The following CAMK1D variants were observed in gnomAD, a reference collection of about 807,000 sequenced individuals.
The protein encoded by CAMK1D is calcium/calmodulin-dependent protein kinase type 1D.
CAMK1D carries 9 observed loss-of-function variants against 47.7 expected under a neutral mutation model. The ratio of observed to expected loss-of-function variants is 0.19; its 90% CI spans 0.11 to 0.33. The LOEUF (loss-of-function observed/expected upper bound fraction) is 0.33. Ranked by LOEUF, CAMK1D falls within the 10% of genes least tolerant of loss-of-function variation. CAMK1D has a pLI of 1.00. For synonymous variants in CAMK1D, 184 were observed against 184.9 expected (o/e 0.99, Z 0.04); for missense variants, 291 against 488.7 (o/e 0.60, Z 3.81).
At chr10:12,616,809 G>A (rs1396603910) in intron 2 of CAMK1D, among the ~76,000 whole-genome samples, 1 of 152,150 alleles carries the variant, frequency 6.6e-6, no homozygotes, top group African/African-American at 2.4e-5. Flanking sequence ...GAGCCACCGC[G>A]CCTGGCCGAG....
intron 1 of CAMK1D, among the ~76,000 whole-genome samples, chr10:12,361,500 C>T (rs1270823018): frequency 2.0e-5 from 3 of 146,922 alleles, no homozygotes; most frequent in African/African-American, 7.6e-5. Context: ...CTGCCTTGGC[C>T]TCCCAAAGTG....
chr10:12,380,150 G>A (rs1838299468), intron 1 of CAMK1D, among the ~76,000 whole-genome samples: 1 of 152,206 alleles, frequency 6.6e-6, no homozygotes. Context: ...GGGAGGTGGA[G>A]CTTGCAGTGA....
chr10:12,529,606 T>TGAGTCGGGGTTTC (rs1835739329), intron 1 of CAMK1D, among the ~76,000 whole-genome samples: 1 of 152,154 alleles, frequency 6.6e-6, no homozygotes. Context: ...GAGCGTTTAG[T>TGAGTCGGGGTTTC]AGTGGGTCTG....
At position 12,811,666 on chromosome 10, in the gene CAMK1D, G is replaced by A. The variant is rs149854446; in HGVS notation, c.642-2529G>A. 8.5e-3 allele frequency among the ~76,000 whole-genome samples: 1,300 copies of A among 152,254 alleles called. 23 individuals carry two copies. Among genetic ancestry groups the A allele is most frequent in the African/African-American group, 0.028 (1,161 of 41,556 alleles). ...GCACCCAGAGAATAAATGTTTCTCG[G>A]AATTTTCTTAAAGAATTTTTTCCTT... On this transcript the variant is annotated intron_variant, in intron 6 of 10. Transcript: ENST00000619168.
intron 2 of CAMK1D, among the ~76,000 whole-genome samples, chr10:12,616,596 C>T (rs1006710038): frequency 1.3e-5 from 2 of 152,032 alleles, no homozygotes; most frequent in South Asian, 2.1e-4. Flanking sequence ...CGGCTCACTG[C>T]AAGCTCCGCC....
intron 4 of CAMK1D, among the ~76,000 whole-genome samples, chr10:12,768,297 C>T (rs541981534): frequency 7.2e-5 from 11 of 152,262 alleles, no homozygotes; most frequent in African/African-American, 9.6e-5. Flanking sequence ...GGCAGGATTG[C>T]GTAGTTCCCA....
intron 1 of CAMK1D, among the ~76,000 whole-genome samples, chr10:12,459,159 G>A (rs908563248): frequency 8.5e-5 from 13 of 152,070 alleles, no homozygotes; most frequent in African/African-American, 1.7e-4. Context: ...GATTACAGGC[G>A]TGAGCCACGG....
chr10:12,751,121 GATA>G (rs1222757251), intron 3 of CAMK1D, among the ~76,000 whole-genome samples: 55 of 112,624 alleles, frequency 4.9e-4, no homozygotes, highest in Admixed American at 4.0e-3. Context: ...GATAAGATAA[GATA>G]AGAAGGCTTC....
intron 3 of CAMK1D, among the ~76,000 whole-genome samples, chr10:12,751,409 G>A (rs931845074): frequency 2.0e-5 from 3 of 152,016 alleles, no homozygotes; most frequent in Admixed American, 6.6e-5. Flanking sequence ...GCTCCACCCC[G>A]CTTGGCCATC....
At chr10:12,435,690 C>T (rs546643313) in intron 1 of CAMK1D, among the ~76,000 whole-genome samples, 1 of 152,268 alleles carries the variant, frequency 6.6e-6, no homozygotes, top group East Asian at 1.9e-4. Flanking sequence ...AACAAGACCT[C>T]TTTTGTTTGC....
chr10:12,744,306 G>A lies in CAMK1D; in HGVS notation c.300-16642G>A, dbSNP rs114122429. Among the ~76,000 whole-genome samples, 108 of 150,712 alleles carry A rather than the reference G, an allele frequency of 7.2e-4. 2 individuals are homozygous for A. The highest frequency in any genetic ancestry group is 2.7e-3 in the African/African-American group (107 of 40,002). On this transcript the variant is annotated intron_variant, in intron 3 of 10. Transcript: ENST00000619168. ...CTGCTGTGAACACTGATTTTTGTAT[G>A]AATGTGTGTTTTCAGATCTCACAGG... is the stretch of plus-strand genomic sequence containing the variant.
Position 12,684,976 on chromosome 10 carries a change from G to T in CAMK1D, c.299+18166G>T, listed in dbSNP as rs138754160. ...TGTAAGCAGATAATGTTTTTCAAAGGTTCCTAGAGTTAAGCCTTGTTTTCC... is the reference window on the plus strand; with the variant it reads ...TGTAAGCAGATAATGTTTTTCAAAGTTTCCTAGAGTTAAGCCTTGTTTTCC... On this transcript the variant is annotated intron_variant, in intron 3 of 10. Transcript: ENST00000619168. Among the ~76,000 whole-genome samples the T allele has an allele frequency of 1.9e-3, 287 of 152,312 alleles. 1 individual carries two copies. Among genetic ancestry groups the T allele is most frequent in the African/African-American group, 6.5e-3 (272 of 41,562 alleles).
At chr10:12,758,773 G>T (rs1401885392) in intron 3 of CAMK1D, among the ~76,000 whole-genome samples, 1 of 152,194 alleles carries the variant, frequency 6.6e-6, no homozygotes, top group African/African-American at 2.4e-5. Context: ...GGTCCTAAGG[G>T]CAGGAGGTGG....
chr10:12,631,150 G>A (rs1052875381), intron 2 of CAMK1D, among the ~76,000 whole-genome samples: 16 of 152,162 alleles, frequency 1.1e-4, no homozygotes, highest in African/African-American at 3.9e-4. Flanking sequence ...GGGTAATGGA[G>A]TTGAGAATAG....
chr10:12,595,523 A>C (rs1016038477), intron 2 of CAMK1D, among the ~76,000 whole-genome samples: 3 of 151,816 alleles, frequency 2.0e-5, no homozygotes, highest in African/African-American at 7.3e-5. Flanking sequence ...TTTGCATCTG[A>C]GGTGGGGTGA....
Position 12,387,281 on chromosome 10 carries a change from C to T in CAMK1D, c.92+37371C>T, listed in dbSNP as rs139734147. On this transcript the variant is annotated intron_variant, in intron 1 of 10. Coordinates refer to ENST00000619168, the MANE Select transcript of CAMK1D (RefSeq NM_153498.4). ...TCATAGAGTAGTGACAGCCTTCACG[C>T]TTTGACACTCACATTATATGTATAA... Among the ~76,000 whole-genome samples, 462 of 145,220 alleles carry T rather than the reference C, an allele frequency of 3.2e-3. 4 individuals are homozygous for T. Among genetic ancestry groups the T allele is most frequent in the African/African-American group, 0.011 (424 of 39,324 alleles).
At chr10:12,805,358 T>C (rs975531692) in intron 6 of CAMK1D, among the ~76,000 whole-genome samples, 2 of 144,066 alleles carry the variant, frequency 1.4e-5, no homozygotes, top group African/African-American at 5.3e-5. Flanking sequence ...CCATAATATC[T>C]TTACATTTCT....
intron 3 of CAMK1D, among the ~76,000 whole-genome samples, chr10:12,711,361 A>G (rs1833929712): frequency 6.6e-6 from 1 of 152,196 alleles, no homozygotes; most frequent in African/African-American, 2.4e-5. Flanking sequence ...AGGCAAAGGA[A>G]ATTCAGTCCC....
At chr10:12,775,093 C>CAGCAAGGGTTT (rs1346190062) in intron 5 of CAMK1D, among the ~76,000 whole-genome samples, 8 of 77,842 alleles carry the variant, frequency 1.0e-4, no homozygotes, top group South Asian at 6.7e-4. Context: ...AGGCATTGAT[C>CAGCAAGGGTTT]AGGTGAGACT....
Sources: allele counts gnomAD v4.1 joint callset (sites outside exome capture counted in the v4.1 genomes callset), GRCh38; gene constraint gnomAD v4.1.1; transcripts MANE v1.5; gene names NCBI Gene and HGNC (gene_info 2026-07-23, HGNC 2026-07-21).